CCNK: variants seen among roughly 807,000 people sequenced by gnomAD.
CCNK encodes cyclin K.
CCNK carries 9 observed loss-of-function variants against 65.0 expected under a neutral mutation model. That is an observed-to-expected ratio of 0.14 (90% CI 0.08 to 0.24). CCNK has a LOEUF of 0.24. CCNK is among the 10% of genes least tolerant of loss of function. CCNK has a pLI of 1.00. For missense variants in CCNK, 474 were observed against 720.0 expected, an observed-to-expected ratio of 0.66 and a Z score of 3.91; for synonymous variants, 279 against 270.8, an observed-to-expected ratio of 1.03 and a Z score of -0.30.
rs1194908550 is a variant in CCNK, at chr14:99,510,340, C to G, written c.1301C>G (p.Thr434Ser). 1.3e-6 allele frequency: 2 copies of G among 1,571,140 alleles called. No individual in the cohort carries two copies. The highest frequency in any genetic ancestry group is 1.7e-6 in the Non-Finnish European group (2 of 1,151,302). Residue 434 changes from threonine (T) to serine (S), a missense_variant, in exon 11 of 11, where the codon ACC becomes AGC. Around this residue, in one of 6 missense-constraint regions of CCNK, gnomAD observed 229 missense variants for 275.5 expected, o/e 0.83. Transcript: ENST00000389879. ...TCCAGCTACATGACCGGGATGTCCACCACCAGCTCCTACATGTCTGGAGAG... is the reference window on the plus strand; with the variant it reads ...TCCAGCTACATGACCGGGATGTCCAGCACCAGCTCCTACATGTCTGGAGAG... ...PPSSYMTGMS[T>S]TSSYMSGEGY... is the part of the protein sequence containing the mutation.
chr14:99,484,230 G>A (rs1055722221), intron 1 of CCNK, among the ~76,000 whole-genome samples: 4 of 152,224 alleles, frequency 2.6e-5, no homozygotes, highest in African/African-American at 9.7e-5. Flanking sequence ...CTGTGAATTA[G>A]TCAGGTTGTT....
At chr14:99,488,953 T>C (rs1896546668) in intron 1 of CCNK, among the ~76,000 whole-genome samples, 1 of 151,194 alleles carries the variant, frequency 6.6e-6, no homozygotes, top group African/African-American at 2.4e-5. Context: ...CCTTCAGCAG[T>C]CCTATGTCTT....
rs762944480 is a variant in CCNK, at chr14:99,510,130, G to C, written c.1118-27G>C. 2.5e-6 allele frequency: 4 copies of C among 1,578,450 alleles called. No homozygotes were observed. In the East Asian group the frequency reaches 9.1e-5, roughly 36 times the overall value. ...AAAGCAACCATTGCTGGCGGAGGCC[G>C]GGCACTGATGCGTCTCTCTCCTGCA... On this transcript the variant is annotated intron_variant, in intron 10 of 10. Transcript: ENST00000389879.
intron 10 of CCNK, chr14:99,507,993 C>T (rs1316622593): frequency 6.6e-6 from 1 of 152,246 alleles, no homozygotes; most frequent in Non-Finnish European, 1.5e-5. Context: ...TGTGCTTGCT[C>T]TCCAAAAGGT....
chr14:99,489,987 C>T (rs1896565899), intron 1 of CCNK, among the ~76,000 whole-genome samples: 1 of 152,174 alleles, frequency 6.6e-6, no homozygotes, highest in African/African-American at 2.4e-5. Flanking sequence ...ACCATTAGAA[C>T]ACCACAGTTG....
intron 10 of CCNK, chr14:99,509,950 C>T: frequency 3.3e-6 from 2 of 605,812 alleles, no homozygotes; most frequent in Non-Finnish European, 5.8e-6. Context: ...CAGGTCGTCG[C>T]AGACAGGGTG....
At chr14:99,493,704 A>C (rs1420707969) in intron 3 of CCNK, 109 bp downstream of exon 3, 1 of 736,182 alleles carries the variant, frequency 1.4e-6, no homozygotes, top group Non-Finnish European at 2.2e-6. Flanking sequence ...GAAAGTATTT[A>C]TTTTTATATG....
chr14:99,482,882 G>A (rs901651676), intron 1 of CCNK, among the ~76,000 whole-genome samples: 19 of 152,104 alleles, frequency 1.2e-4, no homozygotes, highest in African/African-American at 4.3e-4. Flanking sequence ...CTGAAAGGGA[G>A]GACAGTGTTT....
rs572293109 is a variant in CCNK, at chr14:99,486,806, C to G, written c.-53+5327C>G. On this transcript the variant is annotated intron_variant, in intron 1 of 10. Coordinates refer to ENST00000389879, the MANE Select transcript of CCNK (RefSeq NM_001099402.2). The stretch of plus-strand genomic sequence containing the variant: ...ATTACTTGAACTGCTACTATAATCT[C>G]CTAACTCTTCCTCTTTCTGCATACC... 3.9e-5 allele frequency among the ~76,000 whole-genome samples: 6 copies of G among 152,328 alleles called. No individual in the cohort carries two copies. In the Middle Eastern group the frequency reaches 0.01, roughly 259 times the overall value.
intron 10 of CCNK, chr14:99,508,560 G>C (rs1897033878): frequency 6.6e-6 from 1 of 152,498 alleles, no homozygotes; most frequent in Non-Finnish European, 1.5e-5. Context: ...GTAAAGCTGG[G>C]CCGTGAGGAA....
chr14:99,492,977 A>G, intron 2 of CCNK, 103 bp downstream of exon 2: 1 of 958,120 alleles, frequency 1.0e-6, no homozygotes, highest in African/African-American at 1.7e-5. Flanking sequence ...TCTCTGTACC[A>G]GAGCAGTTCT....
chr14:99,497,475 A>G (rs1328130459), intron 4 of CCNK, among the ~76,000 whole-genome samples: 1 of 152,234 alleles, frequency 6.6e-6, no homozygotes, highest in Non-Finnish European at 1.5e-5. Flanking sequence ...GCATGAAAGC[A>G]AAGACTATCT....
rs1897115001 is a variant in CCNK, at chr14:99,510,887, G to A, written c.*105G>A. The stretch of plus-strand genomic sequence containing the variant: ...AGGGTACCTTGTATAATGCACGACA[G>A]TTGCAGTATGGGAAGAATGGACCGG... On this transcript the variant is annotated 3_prime_UTR_variant, in exon 11 of 11. Coordinates refer to ENST00000389879, the MANE Select transcript of CCNK (RefSeq NM_001099402.2). 1.0e-6 allele frequency: 1 copy of A among 984,720 alleles called. No homozygotes were observed. Among genetic ancestry groups the A allele is most frequent in the East Asian group, 3.2e-5 (1 of 31,146 alleles). The allele number at this position is 984,720 out of a possible 1,614,324, so 61.0% of individuals were successfully genotyped here.
chr14:99,497,479 ACTAT>A (rs1672702302), intron 4 of CCNK, among the ~76,000 whole-genome samples: 1 of 152,222 alleles, frequency 6.6e-6, no homozygotes, highest in African/African-American at 2.4e-5. Context: ...GAAAGCAAAG[ACTAT>A]CTGTTTTGTC....
Position 99,492,726 on chromosome 14 carries a change from C to G in CCNK, c.49C>G (p.Leu17Val), listed in dbSNP as rs1896621302. The G allele has an allele frequency of 6.2e-7, 1 of 1,611,314 alleles. No homozygotes were observed. The highest frequency in any genetic ancestry group is 2.2e-5 in the East Asian group (1 of 44,792). ...NSSPSVTSAN[L>V]DHTKPCWYWD... ...AAGCCCTTCAGTAACTTCAGCAAACCTGGACCACACAAAGCCATGTTGGTA... is the reference window on the plus strand; with the variant it reads ...AAGCCCTTCAGTAACTTCAGCAAACGTGGACCACACAAAGCCATGTTGGTA... Residue 17 changes from leucine to valine, a missense_variant, in exon 2 of 11, where the codon CTG becomes GTG. Physicochemically the swap from Leu to Val is conservative, Grantham distance 32. Coordinates refer to ENST00000389879, the MANE Select transcript of CCNK (RefSeq NM_001099402.2).
intron 7 of CCNK, 120 bp downstream of exon 7, chr14:99,502,496 A>G (rs1173094584): frequency 1.4e-6 from 2 of 1,415,412 alleles, no homozygotes; most frequent in African/African-American, 1.4e-5. Context: ...ATATTTCAGA[A>G]GCATCATTAA....
intron 8 of CCNK, 134 bp downstream of exon 8, chr14:99,503,118 C>A: frequency 9.7e-7 from 1 of 1,034,722 alleles, no homozygotes; most frequent in Non-Finnish European, 1.5e-6. Flanking sequence ...CGCAGTCCGA[C>A]TGCTTGTCGG....
chr14:99,503,582 T>C (rs1379664499), intron 8 of CCNK, 29 bp from the exon 9 acceptor site: 3 of 1,547,100 alleles, frequency 1.9e-6, no homozygotes, highest in African/African-American at 1.4e-5. Flanking sequence ...GGATCCCAGT[T>C]AACAATTGTG....
chr14:99,510,279 C>T lies in CCNK; in HGVS notation c.1240C>T (p.Pro414Ser). 2 of 1,564,388 alleles carry T rather than the reference C, an allele frequency of 1.3e-6. No individual in the cohort carries two copies. Among genetic ancestry groups the T allele is most frequent in the Non-Finnish European group, 1.7e-6 (2 of 1,157,368 alleles). The change falls in exon 11 of 11, where the codon CCG becomes TCG. Residue 414 changes from proline to serine, a missense_variant. By Grantham distance (74) the Pro-to-Ser change is moderately conservative (BLOSUM62 -1). Coordinates refer to ENST00000389879, the MANE Select transcript of CCNK (RefSeq NM_001099402.2). ...PAHPAPVHQP[P>S]PLPHRPPPPP... ...CCACCCGGCCCCTGTGCACCAGCCA[C>T]CGCCGCTGCCACACCGGCCCCCGCC...
Sources: allele counts gnomAD v4.1 joint callset (sites outside exome capture counted in the v4.1 genomes callset), GRCh38; gene constraint gnomAD v4.1.1; regional missense constraint gnomAD v4.1.1; transcripts MANE v1.5; gene names NCBI Gene and HGNC (gene_info 2026-07-23, HGNC 2026-07-21).